Variants in DOCK1 observed in about 807,000 individuals in gnomAD.
DOCK1 encodes the protein dedicator of cytokinesis protein 1.
In DOCK1, 138 loss-of-function variants were observed where a neutral mutation model predicts 262.7. That is an observed-to-expected ratio of 0.53 (90% confidence interval 0.46 to 0.61). The LOEUF is 0.61. DOCK1 is among the 20% of genes least tolerant of loss of function. DOCK1 has a pLI of 0.00. For synonymous variants in DOCK1, 866 were observed against 867.4 expected (o/e 1.00, Z 0.03); for missense variants, 1,908 against 2,370.7 (o/e 0.80, Z 4.05).
intron 27 of DOCK1, among the ~76,000 whole-genome samples, chr10:127,173,463 C>T (rs2054770806): frequency 6.6e-6 from 1 of 152,186 alleles, no homozygotes; most frequent in Non-Finnish European, 1.5e-5. Context: ...AAGGCGCTCC[C>T]ATATATCGTA....
In DOCK1 at chr10:126,941,600, C is replaced by CA. The variant is rs1219930644; in HGVS notation, c.47-29096dup. Among the ~76,000 whole-genome samples the CA allele has an allele frequency of 2.6e-5, 4 of 152,132 alleles. No individual in the cohort carries two copies. In the East Asian group the frequency reaches 5.9e-4, roughly 22 times the overall value. On this transcript the variant is annotated intron_variant, in intron 1 of 51. Transcript: ENST00000623213. ...TGAAACCCTGTCTCTACTAAAAGTACAAAAAATTAGCCAGGCGTGGTGGCG... is the reference window on the plus strand; with the variant it reads ...TGAAACCCTGTCTCTACTAAAAGTACAAAAAAATTAGCCAGGCGTGGTGGCG...
At chr10:127,429,059 G>GTGGATTGGGGTGTCA (rs2069095563) in intron 47 of DOCK1, among the ~76,000 whole-genome samples, 1 of 140,080 alleles carries the variant, frequency 7.1e-6, no homozygotes, top group South Asian at 2.3e-4. Flanking sequence ...TTGGGGTGCT[G>GTGGATTGGGGTGTCA]TGTGGATTGG....
intron 44 of DOCK1, 77 bp from the exon 45 acceptor site, chr10:127,418,288 C>G: frequency 2.8e-6 from 4 of 1,411,936 alleles, no homozygotes; most frequent in Non-Finnish European, 3.8e-6. Context: ...TGCCCCAGAG[C>G]ACGTGGCTCC....
chr10:127,246,533 A>G (rs750053980), intron 27 of DOCK1, among the ~76,000 whole-genome samples: 77 of 152,342 alleles, frequency 5.1e-4, no homozygotes, highest in Non-Finnish European at 6.2e-4. Context: ...CATTGCCTCA[A>G]TGGAAAACAA....
chr10:127,228,746 TAG>T (rs1395354668), intron 27 of DOCK1, among the ~76,000 whole-genome samples: 1 of 152,250 alleles, frequency 6.6e-6, no homozygotes, highest in East Asian at 1.9e-4. Flanking sequence ...ACACATTCTC[TAG>T]CATATTACAT....
At chr10:127,265,294 A>T (rs931558223) in intron 29 of DOCK1, among the ~76,000 whole-genome samples, 2 of 152,048 alleles carry the variant, frequency 1.3e-5, no homozygotes, top group Non-Finnish European at 2.9e-5. Context: ...TTAATCTTAT[A>T]CTTGTCCTTT....
At chr10:127,318,550 C>T (rs777593283) in intron 29 of DOCK1, among the ~76,000 whole-genome samples, 4 of 152,192 alleles carry the variant, frequency 2.6e-5, no homozygotes, top group Non-Finnish European at 5.9e-5. Context: ...AGCATGTGTC[C>T]GGGCCTCAAG....
At chr10:127,022,001 G>T (rs911770518) in intron 13 of DOCK1, among the ~76,000 whole-genome samples, 5 of 152,176 alleles carry the variant, frequency 3.3e-5, no homozygotes, top group African/African-American at 1.2e-4. Context: ...AGGCAGCAGA[G>T]GAGCAGTGGC....
At chr10:127,056,330 A>C (rs1158845232) in intron 22 of DOCK1, among the ~76,000 whole-genome samples, 1 of 152,108 alleles carries the variant, frequency 6.6e-6, no homozygotes, top group Non-Finnish European at 1.5e-5. Flanking sequence ...TTAGTCTCCC[A>C]AGTAACTAGG....
Position 127,112,098 on chromosome 10 carries a change from G to A in DOCK1, c.2623+1744G>A, listed in dbSNP as rs190523886. Among the ~76,000 whole-genome samples the A allele has an allele frequency of 2.0e-4, 30 of 150,976 alleles. No homozygotes were observed. In the East Asian group the frequency reaches 5.5e-3, roughly 28 times the overall value. On this transcript the variant is annotated intron_variant, in intron 25 of 51. Transcript: ENST00000623213. ...ACAATCTCAGCTCCCTGCAACCTCCGCCTCCTGGGTTCAAATGATTCTCCT... is the reference window on the plus strand; with the variant it reads ...ACAATCTCAGCTCCCTGCAACCTCCACCTCCTGGGTTCAAATGATTCTCCT...
At chr10:127,224,560 GAAAA>G (rs759567078) in intron 27 of DOCK1, among the ~76,000 whole-genome samples, 1 of 128,410 alleles carries the variant, frequency 7.8e-6, no homozygotes. Flanking sequence ...CTCTGCTTCA[GAAAA>G]AAAAAAAAAA....
At chr10:127,114,095 C>T (rs955943761) in intron 25 of DOCK1, among the ~76,000 whole-genome samples, 3 of 152,316 alleles carry the variant, frequency 2.0e-5, no homozygotes, top group Non-Finnish European at 4.4e-5. Context: ...CCTCATGGCA[C>T]GCCCCCCATG....
At chr10:127,045,202 A>T (rs2044268061) in intron 21 of DOCK1, among the ~76,000 whole-genome samples, 1 of 115,758 alleles carries the variant, frequency 8.6e-6, no homozygotes, top group Non-Finnish European at 1.9e-5. Flanking sequence ...TGTCTCAATA[A>T]AAAAAAAAAA....
intron 27 of DOCK1, among the ~76,000 whole-genome samples, chr10:127,243,933 T>C (rs1160281177): frequency 1.3e-5 from 2 of 152,222 alleles, no homozygotes; most frequent in African/African-American, 4.8e-5. Flanking sequence ...TCATTTTTTG[T>C]TTTTCTTGTA....
chr10:127,404,981 C>A (rs2134337445), intron 40 of DOCK1, among the ~76,000 whole-genome samples: 1 of 152,276 alleles, frequency 6.6e-6, no homozygotes, highest in Admixed American at 6.5e-5. Flanking sequence ...TTTCACTCGG[C>A]CGAATGTCTT....
At chr10:126,911,717 A>G (rs2031794392) in intron 1 of DOCK1, among the ~76,000 whole-genome samples, 1 of 152,102 alleles carries the variant, frequency 6.6e-6, no homozygotes. Flanking sequence ...GATGTTCTGG[A>G]TGGTACTGTG....
chr10:127,206,136 C>CTTTTTTTTTTTT (rs34450374), intron 27 of DOCK1, among the ~76,000 whole-genome samples: 3 of 78,624 alleles, frequency 3.8e-5, no homozygotes, highest in Non-Finnish European at 6.7e-5. Context: ...TTCTTCTTCT[C>CTTTTTTTTTTTT]TTTTTTTTTT....
At chr10:127,428,691 TGTG>T (rs796614910) in intron 47 of DOCK1, among the ~76,000 whole-genome samples, 32 of 142,018 alleles carry the variant, frequency 2.3e-4, no homozygotes, top group African/African-American at 7.7e-4. Flanking sequence ...CCGTGTGGAT[TGTG>T]GTGCTGTGTG....
In DOCK1 at chr10:126,942,174, C is replaced by G. The variant is rs939914347; in HGVS notation, c.47-28528C>G. The stretch of plus-strand genomic sequence containing the variant: ...CGAGTAGCGGGACTACAGGCGCCCG[C>G]CACCACGCCCGGCTAATTTTTTGTA... On this transcript the variant is annotated intron_variant, in intron 1 of 51. Transcript: ENST00000623213. Among the ~76,000 whole-genome samples the G allele has an allele frequency of 4.6e-5, 7 of 152,138 alleles. No homozygotes were observed. The South Asian group carries it at 1.4e-3, about 31-fold the overall frequency.
Sources: allele counts gnomAD v4.1 joint callset (sites outside exome capture counted in the v4.1 genomes callset), GRCh38; gene constraint gnomAD v4.1.1; transcripts MANE v1.5; gene names NCBI Gene and HGNC (gene_info 2026-07-23, HGNC 2026-07-21).